The following DYRK1B variants were observed in gnomAD, a reference collection of about 807,000 sequenced individuals.
DYRK1B encodes the protein dual specificity tyrosine-phosphorylation-regulated kinase 1B.
Under a neutral mutation model 57.1 loss-of-function variants are expected in DYRK1B, and 20 were observed. The observed-to-expected ratio is 0.35, with a 90% CI of 0.25 to 0.51. The LOEUF is 0.51. Among genes scored for constraint, DYRK1B ranks in the 20% least tolerant of loss-of-function variants. The probability of loss-of-function intolerance (pLI) is 0.96; values close to 1 mark genes in which losing one functional copy is unlikely to be tolerated. For synonymous variants in DYRK1B, 409 were observed against 384.7 expected (o/e 1.06, Z -0.74); for missense variants, 732 against 886.3 (o/e 0.83, Z 2.21).
chr19:39,832,013 T>G, intron 1 of DYRK1B, 45 bp from the exon 2 acceptor site: 1 of 1,401,534 alleles, frequency 7.1e-7, no homozygotes, highest in Non-Finnish European at 9.2e-7. Flanking sequence ...AACAAGGGGA[T>G]ATGTGAATAG....
chr19:39,831,474 G>A lies in DYRK1B; in HGVS notation c.63+331C>T, dbSNP rs144942888. ...TACTATGTGCCAGGCACCATTCTAAGTGTTTTACATGCATACCATTAACTC... is the reference window on the plus strand; with the variant it reads ...TACTATGTGCCAGGCACCATTCTAAATGTTTTACATGCATACCATTAACTC... On this transcript the variant is annotated intron_variant, in intron 2 of 10. Transcript: ENST00000323039. 1.5e-3 allele frequency among the ~76,000 whole-genome samples: 230 copies of A among 152,250 alleles called. 1 individual carries two copies. Among genetic ancestry groups the A allele is most frequent in the African/African-American group, 5.2e-3 (218 of 41,538 alleles).
In DYRK1B at chr19:39,826,727, G is replaced by A. The variant is rs749297764; in HGVS notation, c.1356C>T (p.Pro452=). The A allele has an allele frequency of 1.7e-5, 27 of 1,601,916 alleles. No individual in the cohort carries two copies. The highest frequency in any genetic ancestry group is 1.2e-4 in the South Asian group (11 of 88,938). Residue 452 remains proline (P), a synonymous_variant, in exon 9 of 11, where the codon CCC becomes CCT. Transcript: ENST00000323039. This position sits in a 1 kb window ranked among gnomAD's most constrained non-coding sequence, Gnocchi z 6.3. ...AAGAGGGGCAGGTGTCGAGGGGCGC[G>A]GGCGAGGTGGAGGCACTGCTGCCTG... The part of the protein sequence containing the change: ...GPAGSSASTS[P]APLDTCPSSS...
chr19:39,826,188 T>G lies in DYRK1B; in HGVS notation c.1510A>C (p.Ser504Arg). The G allele has an allele frequency of 2.5e-6, 4 of 1,586,796 alleles. No homozygotes were observed. The highest frequency in any genetic ancestry group is 3.4e-6 in the Non-Finnish European group (4 of 1,168,784). ...GPPITDCEMNSPQVPPSQPLR... is the reference protein window; with the variant it reads ...GPPITDCEMNRPQVPPSQPLR... Reference sequence around the variant, plus strand: ...CCCCAAAGCCCCATTACCTGGGGGCTGTTCATCTCACAGTCTGTGATAGGG... The same window carrying G: ...CCCCAAAGCCCCATTACCTGGGGGCGGTTCATCTCACAGTCTGTGATAGGG... Residue 504 changes from serine (S) to arginine (R), a missense_variant, in exon 10 of 11, where the codon AGC (serine) becomes CGC (arginine). Coordinates refer to ENST00000323039, the MANE Select transcript of DYRK1B (RefSeq NM_004714.3). This position sits in a 1 kb window ranked among gnomAD's most constrained non-coding sequence, Gnocchi z 6.3.
chr19:39,827,961 G>A (rs1171216606), intron 6 of DYRK1B, among the ~76,000 whole-genome samples: 3 of 152,122 alleles, frequency 2.0e-5, no homozygotes, highest in Non-Finnish European at 2.9e-5. Flanking sequence ...ACTTTTAGTG[G>A]CAGCTCATAC....
chr19:39,826,763 G>T lies in DYRK1B; in HGVS notation c.1320C>A (p.Asn440Lys). The T allele has an allele frequency of 6.3e-7, 1 of 1,585,534 alleles. No homozygotes were observed. The highest frequency in any genetic ancestry group is 1.8e-5 in the Admixed American group (1 of 55,804). The change falls in exon 9 of 11, where the codon AAC becomes AAA. Residue 440 changes from asparagine (N) to lysine (K), a missense_variant. Physicochemically the swap from Asn to Lys is moderately conservative, Grantham distance 94 (BLOSUM62 0). This residue lies in a region of DYRK1B where 510 missense variants were observed against 681.3 expected (regional missense o/e 0.75). Transcript: ENST00000323039. The surrounding 1 kb of genome is among the most constrained non-coding windows in gnomAD (Gnocchi z 6.3). ...AGGCACTGCTGCCTGCCGGGCCCGT[G>T]TTGGTGGCCTCGTCGGCCGTGCGGC... ...FFRRTADEAT[N>K]TGPAGSSAST...
rs1395679538 is a variant in DYRK1B at position 39,828,235 on chromosome 19, TC to T, written c.807+61del. The T allele has an allele frequency of 3.2e-6, 5 of 1,548,948 alleles. No homozygotes were observed. Among genetic ancestry groups the T allele is most frequent in the African/African-American group, 2.7e-5 (2 of 73,224 alleles). On this transcript the variant is annotated intron_variant, in intron 6 of 10. Transcript: ENST00000323039. The surrounding 1 kb of genome is among the most constrained non-coding windows in gnomAD (Gnocchi z 4.3). ...CCCAGCCAAGCCCCGCCCCTAAGCC[TC>T]CCGTTGGCTCTGCCCCACCCAAACT... is the stretch of plus-strand genomic sequence containing the variant.
At chr19:39,833,070 C>T (rs757319802) in intron 1 of DYRK1B, 44 of 985,286 alleles carry the variant, frequency 4.5e-5, no homozygotes, top group Non-Finnish European at 4.9e-5. Flanking sequence ...ACATAGGGTT[C>T]TCTCCTCCCA....
Position 39,830,799 on chromosome 19 carries a change from AG to A in DYRK1B, c.64-17del, listed in dbSNP as rs1968774959. ...CAGGCAATACCTGCAGGGCAGGGTG[AG>A]GGGTGGGCACTGAGGACGTGCCTTC... On this transcript the variant is annotated splice_polypyrimidine_tract_variant and intron_variant, in intron 2 of 10. Transcript: ENST00000323039. 6.2e-7 allele frequency: 1 copy of A among 1,605,766 alleles called. No individual in the cohort carries two copies. Among genetic ancestry groups the A allele is most frequent in the South Asian group, 1.1e-5 (1 of 89,896 alleles).
In DYRK1B at chr19:39,825,971, TGG is replaced by T; in HGVS notation, c.1632_1633del (p.Gln545AlafsTer29). ...TGGGGGACGACCAAGGTATCGGGGCTGGGGGGGTAACTGGGCCCCGGTCCCAG... is the reference window on the plus strand; with the variant it reads ...TGGGGGACGACCAAGGTATCGGGGCTGGGGGTAACTGGGCCCCGGTCCCAG... On this transcript the variant is annotated frameshift_variant, in exon 11 of 11. Coordinates refer to ENST00000323039, the MANE Select transcript of DYRK1B (RefSeq NM_004714.3). LOFTEE classifies it high-confidence loss of function. 6.8e-7 allele frequency: 1 copy of T among 1,465,216 alleles called. No individual in the cohort carries two copies. 90.8% of individuals were successfully genotyped at this position (1,465,216 alleles called of 1,614,324 possible).
In DYRK1B at chr19:39,826,331, A is replaced by T. The variant is rs751818461; in HGVS notation, c.1412-45T>A. The T allele has an allele frequency of 1.1e-5, 16 of 1,473,874 alleles. No individual in the cohort carries two copies. The South Asian group carries it at 2.0e-4, about 19-fold the overall frequency. 91.3% of individuals were successfully genotyped at this position (1,473,874 alleles called of 1,614,324 possible). A position where few individuals can be genotyped will look rare whatever the true frequency, so the allele number is the denominator to read the frequency against. On this transcript the variant is annotated intron_variant, in intron 9 of 10. Transcript: ENST00000323039. This position sits in a 1 kb window ranked among gnomAD's most constrained non-coding sequence, Gnocchi z 6.3. ...GAGGTGAAGGGGCATAAGGTGAGAGAAGGTGGCGAGTGGGTTTTGGGATGG... is the reference window on the plus strand; with the variant it reads ...GAGGTGAAGGGGCATAAGGTGAGAGTAGGTGGCGAGTGGGTTTTGGGATGG...
Position 39,828,430 on chromosome 19 carries a change from A to C in DYRK1B, c.674T>G (p.Leu225Arg). ...RKLAQQLCTALLFLATPELSI... is the reference protein window; with the variant it reads ...RKLAQQLCTARLFLATPELSI... ...GAGCTCAGGCGTGGCCAGAAAGAGC[A>C]GTGCCGTGCAGAGCTGCTGCGCCAG... The change falls in exon 6 of 11, where the codon CTG (leucine) becomes CGG (arginine). Residue 225 changes from leucine to arginine, a missense_variant. Coordinates refer to ENST00000323039, the MANE Select transcript of DYRK1B (RefSeq NM_004714.3). The surrounding 1 kb of genome is among the most constrained non-coding windows in gnomAD (Gnocchi z 4.3). The C allele has an allele frequency of 6.2e-7, 1 of 1,614,028 alleles. No individual in the cohort carries two copies. The highest frequency in any genetic ancestry group is 8.5e-7 in the Non-Finnish European group (1 of 1,179,968).
chr19:39,829,756 G>A (rs777577135), intron 5 of DYRK1B, 124 bp downstream of exon 5: 1 of 1,142,750 alleles, frequency 8.8e-7, no homozygotes, highest in African/African-American at 1.6e-5. Flanking sequence ...GAGAAGCACA[G>A]ACCAAACCCT....
chr19:39,829,334 C>A (rs998239763), intron 5 of DYRK1B, among the ~76,000 whole-genome samples: 5 of 151,770 alleles, frequency 3.3e-5, no homozygotes, highest in African/African-American at 4.8e-5. Context: ...TCAAGCGATT[C>A]TCCTGCCTCA....
Position 39,830,711 on chromosome 19 carries a change from G to C in DYRK1B, c.136C>G (p.Arg46Gly). Residue 46 changes from arginine (R) to glycine (G), a missense_variant, in exon 3 of 11, where the codon CGT (arginine) becomes GGT (glycine). Coordinates refer to ENST00000323039, the MANE Select transcript of DYRK1B (RefSeq NM_004714.3). ...TTGATGAGGTCCACAGAGAGCTTAC[G>C]CAGCGGGGCTGAGGTTGCATCCCGG... ...AFRDATSAPL[R>G]KLSVDLIKTY... is the part of the protein sequence containing the mutation. The C allele has an allele frequency of 6.2e-7, 1 of 1,614,180 alleles. No individual in the cohort carries two copies. Among genetic ancestry groups the C allele is most frequent in the South Asian group, 1.1e-5 (1 of 91,066 alleles).
chr19:39,827,097 A>T, intron 8 of DYRK1B, 110 bp from the exon 9 acceptor site: 1 of 1,196,594 alleles, frequency 8.4e-7, no homozygotes, highest in Non-Finnish European at 1.1e-6. Context: ...GTGGAAAGAA[A>T]AGCTAAGAAG....
intron 4 of DYRK1B, 171 bp from the exon 5 acceptor site, chr19:39,830,198 C>A: frequency 3.5e-6 from 4 of 1,131,406 alleles, no homozygotes; most frequent in Non-Finnish European, 5.0e-6. Flanking sequence ...AATAACATAA[C>A]GACCTTATGT....
Position 39,827,275 on chromosome 19 carries a change from G to A in DYRK1B, c.1095+10C>T, listed in dbSNP as rs773594618. 4.4e-6 allele frequency: 7 copies of A among 1,603,316 alleles called. No individual in the cohort carries two copies. Among genetic ancestry groups the A allele is most frequent in the South Asian group, 2.2e-5 (2 of 90,256 alleles). ...GGGGTGGGAGGAGTGGCATGGGGCA[G>A]GGGCCGCACCTTCCTGAGTTCTTTC... On this transcript the variant is annotated intron_variant, in intron 8 of 10. Transcript: ENST00000323039.
Position 39,826,855 on chromosome 19 carries a change from G to A in DYRK1B, c.1228C>T (p.Arg410Cys), listed in dbSNP as rs1040806207. 6.9e-6 allele frequency: 10 copies of A among 1,458,968 alleles called. No homozygotes were observed. The highest frequency in any genetic ancestry group is 1.8e-4 in the Middle Eastern group (1 of 5,534). 90.4% of individuals were successfully genotyped at this position (1,458,968 alleles called of 1,614,324 possible). A position where few individuals can be genotyped will look rare whatever the true frequency, so the allele number is the denominator to read the frequency against. Residue 410 changes from arginine (R) to cysteine (C), a missense_variant, in exon 9 of 11, where the codon CGC (arginine) becomes TGC (cysteine). Around this residue, in one of 2 missense-constraint regions of DYRK1B, gnomAD observed 510 missense variants for 681.3 expected, o/e 0.75. Transcript: ENST00000323039. The surrounding 1 kb of genome is among the most constrained non-coding windows in gnomAD (Gnocchi z 6.3). ...GCGGCGGGCTCATACTCCAGCATGC[G>A]CAGCACCAGGTCCTGGAAGCGGAGG... ...DYLRFQDLVL[R>C]MLEYEPAARI...
intron 4 of DYRK1B, 96 bp from the exon 5 acceptor site, chr19:39,830,123 A>G (rs1968737273): frequency 2.7e-6 from 4 of 1,476,290 alleles, no homozygotes; most frequent in Non-Finnish European, 1.8e-6. Context: ...CACCAAGAAC[A>G]CTATGCATAC....
Sources: allele counts gnomAD v4.1 joint callset (sites outside exome capture counted in the v4.1 genomes callset), GRCh38; gene constraint gnomAD v4.1.1; regional missense constraint gnomAD v4.1.1; non-coding constraint Gnocchi (gnomAD v3.1); transcripts MANE v1.5; gene names NCBI Gene and HGNC (gene_info 2026-07-23, HGNC 2026-07-21).